The following SLIT2 variants were observed in gnomAD, a reference collection of about 807,000 sequenced individuals.
SLIT2 encodes slit homolog 2 protein.
In SLIT2, 41 loss-of-function variants were observed where a neutral mutation model predicts 185.7. The ratio of observed to expected loss-of-function variants is 0.22; its 90% CI spans 0.17 to 0.29. SLIT2 has a LOEUF of 0.29. Among genes scored for constraint, SLIT2 ranks in the 10% least tolerant of loss-of-function variants. The probability of loss-of-function intolerance (pLI) is 1.00; values close to 1 mark genes in which losing one functional copy is unlikely to be tolerated. For synonymous variants in SLIT2, 693 were observed against 680.2 expected, an observed-to-expected ratio of 1.02 and a Z score of -0.29; for missense variants, 1,571 against 1,909.0, an observed-to-expected ratio of 0.82 and a Z score of 3.30.
intron 28 of SLIT2, 94 bp downstream of exon 28, chr4:20,567,709 A>G: frequency 3.1e-6 from 3 of 967,168 alleles, no homozygotes; most frequent in Admixed American, 2.0e-5. Context: ...AAAGGACAGT[A>G]TTTTTCAAAG....
At chr4:20,448,799 A>G (rs958857128) in intron 4 of SLIT2, among the ~76,000 whole-genome samples, 5 of 151,818 alleles carry the variant, frequency 3.3e-5, no homozygotes, top group Admixed American at 2.0e-4. Flanking sequence ...CACCACACCC[A>G]GCTAATTTTT....
At chr4:20,407,495 C>T (rs926172931) in intron 4 of SLIT2, among the ~76,000 whole-genome samples, 3 of 152,188 alleles carry the variant, frequency 2.0e-5, no homozygotes, top group Non-Finnish European at 2.9e-5. Flanking sequence ...TCTTCCCCCT[C>T]CCTGGCCCTG....
chr4:20,608,003 T>G (rs1728920159), intron 33 of SLIT2, among the ~76,000 whole-genome samples: 1 of 152,138 alleles, frequency 6.6e-6, no homozygotes, highest in Non-Finnish European at 1.5e-5. Flanking sequence ...GCCTTTAACA[T>G]TATCTTACAA....
chr4:20,365,188 G>C (rs575138358), intron 4 of SLIT2, among the ~76,000 whole-genome samples: 1 of 152,220 alleles, frequency 6.6e-6, no homozygotes, highest in East Asian at 1.9e-4. Context: ...GACAGTTCCA[G>C]TTTTTCATCA....
chr4:20,334,076 C>T (rs1374655527), intron 4 of SLIT2, among the ~76,000 whole-genome samples: 1 of 151,928 alleles, frequency 6.6e-6, no homozygotes, highest in South Asian at 2.1e-4. Context: ...TTGTATTTTC[C>T]CTATGTCTCT....
At chr4:20,513,024 T>C (rs1719893498) in intron 11 of SLIT2, among the ~76,000 whole-genome samples, 3 of 152,238 alleles carry the variant, frequency 2.0e-5, no homozygotes, top group African/African-American at 4.8e-5. Context: ...TTATAAATTA[T>C]GTAATCTAAT....
At chr4:20,310,106 C>T (rs1480027799) in intron 4 of SLIT2, among the ~76,000 whole-genome samples, 1 of 152,096 alleles carries the variant, frequency 6.6e-6, no homozygotes, top group Non-Finnish European at 1.5e-5. Context: ...TCATCAGCTA[C>T]TTTGCACAAA....
intron 9 of SLIT2, 59 bp from the exon 10 acceptor site, chr4:20,510,436 A>G (rs2148824787): frequency 5.6e-6 from 6 of 1,073,070 alleles, no homozygotes; most frequent in Non-Finnish European, 8.7e-6. Context: ...CTGAGCTTGA[A>G]TTAAACATGT....
intron 4 of SLIT2, among the ~76,000 whole-genome samples, chr4:20,435,104 T>G (rs573738343): frequency 6.6e-6 from 1 of 152,268 alleles, no homozygotes; most frequent in African/African-American, 2.4e-5. Flanking sequence ...TAAAAATGTT[T>G]GGCAACATTG....
At chr4:20,457,544 G>A (rs1713213706) in intron 4 of SLIT2, among the ~76,000 whole-genome samples, 1 of 151,806 alleles carries the variant, frequency 6.6e-6, no homozygotes, top group African/African-American at 2.4e-5. Context: ...GGTCTTTTTT[G>A]ATGATCATCT....
intron 4 of SLIT2, among the ~76,000 whole-genome samples, chr4:20,351,399 G>T (rs548163845): frequency 6.6e-6 from 1 of 152,232 alleles, no homozygotes; most frequent in East Asian, 1.9e-4. Context: ...TGGATGTGTA[G>T]ATATGACATT....
intron 4 of SLIT2, among the ~76,000 whole-genome samples, chr4:20,423,707 C>T (rs943326996): frequency 7.9e-5 from 12 of 151,688 alleles, no homozygotes; most frequent in African/African-American, 2.2e-4. Flanking sequence ...TACCGAATGA[C>T]GGAATCAAAT....
intron 11 of SLIT2, among the ~76,000 whole-genome samples, chr4:20,517,392 C>G (rs1720306315): frequency 6.6e-6 from 1 of 152,016 alleles, no homozygotes; most frequent in South Asian, 2.1e-4. Context: ...ATTGAATATC[C>G]CAGACTGGTG....
intron 4 of SLIT2, among the ~76,000 whole-genome samples, chr4:20,325,870 A>G (rs779264651): frequency 4.6e-5 from 7 of 152,184 alleles, no homozygotes; most frequent in Non-Finnish European, 8.8e-5. Flanking sequence ...AATTTTATAC[A>G]TGCAATGTGA....
intron 4 of SLIT2, among the ~76,000 whole-genome samples, chr4:20,463,083 A>C (rs1713905735): frequency 6.6e-6 from 1 of 152,134 alleles, no homozygotes; most frequent in Admixed American, 6.5e-5. Flanking sequence ...AAGCAACTCA[A>C]GCACAATGAT....
At chr4:20,576,098 C>T (rs1019224420) in intron 29 of SLIT2, among the ~76,000 whole-genome samples, 5 of 152,186 alleles carry the variant, frequency 3.3e-5, no homozygotes, top group African/African-American at 1.2e-4. Context: ...CTGGAAATAT[C>T]GAAGGCTGCC....
At chr4:20,443,940 T>G (rs566462842) in intron 4 of SLIT2, among the ~76,000 whole-genome samples, 1 of 152,284 alleles carries the variant, frequency 6.6e-6, no homozygotes, top group Admixed American at 6.5e-5. Flanking sequence ...TTGAAAAGTC[T>G]ACTGGTTTGG....
chr4:20,319,771 C>T (rs1009527338), intron 4 of SLIT2, among the ~76,000 whole-genome samples: 1 of 149,060 alleles, frequency 6.7e-6, no homozygotes, highest in Non-Finnish European at 1.5e-5. Context: ...TCAGAGGAGG[C>T]AGTGCTGGAC....
intron 4 of SLIT2, among the ~76,000 whole-genome samples, chr4:20,392,751 C>T (rs549748071): frequency 6.6e-6 from 1 of 152,032 alleles, no homozygotes; most frequent in South Asian, 2.1e-4. Context: ...ATTAGCCTAG[C>T]CCTACACAGG....
Sources: gnomAD v4.1 joint callset for allele counts (sites outside exome capture counted in the v4.1 genomes callset) on GRCh38, gnomAD v4.1.1 for gene constraint, MANE v1.5 for transcripts, NCBI Gene and HGNC (gene_info 2026-07-23, HGNC 2026-07-21) for gene names.